GPC6: variants seen among roughly 807,000 people sequenced by gnomAD.
GPC6 encodes glypican-6.
Under a neutral mutation model 55.2 loss-of-function variants are expected in GPC6, and 14 were observed. That is an observed-to-expected ratio of 0.25 (90% CI 0.17 to 0.40). GPC6 has a LOEUF of 0.40. GPC6 is among the 10% of genes least tolerant of loss of function. The pLI, the probability that GPC6 is intolerant of heterozygous loss-of-function variation, is 1.00. For synonymous variants in GPC6, 278 were observed against 259.6 expected (o/e 1.07, Z -0.68); for missense variants, 641 against 708.5 (o/e 0.90, Z 1.08).
intron 4 of GPC6, among the ~76,000 whole-genome samples, chr13:94,194,175 T>C (rs1889489145): frequency 6.6e-6 from 1 of 152,186 alleles, no homozygotes; most frequent in South Asian, 2.1e-4. Flanking sequence ...TACTCATACA[T>C]GTACATATTT....
chr13:93,333,878 T>C (rs1040580659), intron 1 of GPC6, among the ~76,000 whole-genome samples: 46 of 152,206 alleles, frequency 3.0e-4, no homozygotes, highest in African/African-American at 1.0e-3. Context: ...TTTGTATCCC[T>C]CAACTTTACT....
At chr13:93,431,480 C>G (rs1040468367) in intron 1 of GPC6, among the ~76,000 whole-genome samples, 3 of 151,988 alleles carry the variant, frequency 2.0e-5, no homozygotes, top group African/African-American at 7.2e-5. Flanking sequence ...AGATAAACAA[C>G]TTTATGTAAT....
intron 1 of GPC6, among the ~76,000 whole-genome samples, chr13:93,436,966 A>G (rs1182436437): frequency 6.6e-6 from 1 of 151,460 alleles, no homozygotes; most frequent in Non-Finnish European, 1.5e-5. Flanking sequence ...TTTTTTTCTC[A>G]ACAGAATATG....
chr13:93,220,964 C>T, the GPC6 span, among the ~76,000 whole-genome samples: 3 of 152,068 alleles, frequency 2.0e-5, no homozygotes, highest in Admixed American at 1.3e-4. Flanking sequence ...CTCACTGCAC[C>T]CTTGACCTCC....
intron 2 of GPC6, among the ~76,000 whole-genome samples, chr13:93,567,497 CT>C (rs1250048856): frequency 2.7e-5 from 4 of 150,206 alleles, no homozygotes; most frequent in Non-Finnish European, 5.9e-5. Context: ...TTGTATTTTT[CT>C]TTTTTTAGTA....
chr13:93,221,958 T>C (rs978903368), upstream of GPC6, among the ~76,000 whole-genome samples: 1 of 152,226 alleles, frequency 6.6e-6, no homozygotes, highest in Non-Finnish European at 1.5e-5. Context: ...ATTATTTTCA[T>C]TCATGATTTT....
At chr13:93,412,507 A>T (rs944887385) in intron 1 of GPC6, among the ~76,000 whole-genome samples, 1 of 152,102 alleles carries the variant, frequency 6.6e-6, no homozygotes. Flanking sequence ...AAATTCAAAA[A>T]TTAGCTGGGC....
chr13:94,269,739 T>TCTATCTGGA (rs1891933148), intron 4 of GPC6, among the ~76,000 whole-genome samples: 1 of 152,186 alleles, frequency 6.6e-6, no homozygotes, highest in Non-Finnish European at 1.5e-5. Flanking sequence ...TTCTCTTTGG[T>TCTATCTGGA]CTATCTGGAC....
intron 4 of GPC6, among the ~76,000 whole-genome samples, chr13:94,049,200 G>A (rs979058570): frequency 2.7e-5 from 4 of 149,812 alleles, no homozygotes; most frequent in Non-Finnish European, 4.4e-5. Context: ...GCAGTAAGAC[G>A]ACTGCATCAC....
intron 2 of GPC6, among the ~76,000 whole-genome samples, chr13:93,646,070 A>G (rs1266790827): frequency 2.6e-5 from 4 of 152,120 alleles, no homozygotes; most frequent in African/African-American, 9.7e-5. Flanking sequence ...TATAAGAACA[A>G]AACTGATTTT....
chr13:93,752,231 A>G (rs1884618899), intron 2 of GPC6, among the ~76,000 whole-genome samples: 1 of 152,086 alleles, frequency 6.6e-6, no homozygotes, highest in Non-Finnish European at 1.5e-5. Flanking sequence ...ATCTTACAAA[A>G]TACGGTATGG....
At chr13:93,723,893 C>A (rs553412990) in intron 2 of GPC6, among the ~76,000 whole-genome samples, 1 of 152,046 alleles carries the variant, frequency 6.6e-6, no homozygotes, top group Admixed American at 6.6e-5. Context: ...ATAAAGATCT[C>A]TCTGTCTTTC....
chr13:94,127,404 C>T (rs1219620026), intron 4 of GPC6, among the ~76,000 whole-genome samples: 1 of 152,104 alleles, frequency 6.6e-6, no homozygotes, highest in Non-Finnish European at 1.5e-5. Flanking sequence ...CTTTCTCTTG[C>T]TCCTACTTTC....
At chr13:93,520,891 C>A (rs1334819755) in intron 1 of GPC6, among the ~76,000 whole-genome samples, 1 of 151,650 alleles carries the variant, frequency 6.6e-6, no homozygotes, top group Non-Finnish European at 1.5e-5. Flanking sequence ...AGTTCAGAAA[C>A]CCACCTTTTT....
chr13:93,458,181 T>C (rs892991999), intron 1 of GPC6, among the ~76,000 whole-genome samples: 3 of 152,204 alleles, frequency 2.0e-5, no homozygotes, highest in Non-Finnish European at 2.9e-5. Flanking sequence ...GGTAACACAA[T>C]AGGACTGTGA....
chr13:93,431,115 C>T (rs1053706378), intron 1 of GPC6, among the ~76,000 whole-genome samples: 1 of 152,060 alleles, frequency 6.6e-6, no homozygotes, highest in African/African-American at 2.4e-5. Flanking sequence ...ACTGTCAATA[C>T]TTTTCCAAGC....
At chr13:94,013,987 T>A (rs142378229) in intron 3 of GPC6, among the ~76,000 whole-genome samples, 1 of 152,194 alleles carries the variant, frequency 6.6e-6, no homozygotes, top group Non-Finnish European at 1.5e-5. Flanking sequence ...GTAAATTAAA[T>A]TTTTAAAAAT....
At chr13:94,368,147 CAAAAA>C (rs5805859) in intron 6 of GPC6, among the ~76,000 whole-genome samples, 2 of 85,728 alleles carry the variant, frequency 2.3e-5, no homozygotes, top group Admixed American at 1.3e-4. Context: ...GACTCTGTCT[CAAAAA>C]AAAAAAAAAA....
At chr13:94,059,051 C>T (rs546036078) in intron 4 of GPC6, among the ~76,000 whole-genome samples, 8 of 150,614 alleles carry the variant, frequency 5.3e-5, no homozygotes, top group Non-Finnish European at 1.0e-4. Context: ...AAATGAAAAC[C>T]AAAAAAAGAG....
Sources: allele counts gnomAD v4.1 joint callset (sites outside exome capture counted in the v4.1 genomes callset), GRCh38; gene constraint gnomAD v4.1.1; transcripts MANE v1.5; gene names NCBI Gene and HGNC (gene_info 2026-07-23, HGNC 2026-07-21).